LINGO1: variants seen among roughly 807,000 people sequenced by gnomAD.
The protein encoded by LINGO1 is leucine rich repeat and Ig domain containing 1, also known as leucine-rich repeat and immunoglobulin-like domain-containing nogo receptor-interacting protein 1.
LINGO1 carries 11 observed loss-of-function variants against 37.3 expected under a neutral mutation model. The ratio of observed to expected loss-of-function variants is 0.29; its 90% CI spans 0.19 to 0.49. The LOEUF is 0.49. Ranked by LOEUF, LINGO1 falls within the 20% of genes least tolerant of loss-of-function variation. The probability of loss-of-function intolerance (pLI) is 0.99; values close to 1 mark genes in which losing one functional copy is unlikely to be tolerated. For missense variants in LINGO1, 585 were observed against 878.2 expected (o/e 0.67, Z 4.22); for synonymous variants, 387 against 403.0 (o/e 0.96, Z 0.48).
At chr15:77,773,079 G>A (rs1276720689) in intron 1 of LINGO1, among the ~76,000 whole-genome samples, 1 of 152,222 alleles carries the variant, frequency 6.6e-6, no homozygotes, top group Admixed American at 6.5e-5. Context: ...TAGGCTCATG[G>A]AGGGAGGAGA....
At chr15:77,701,399 A>C (rs1243041295), upstream of LINGO1, among the ~76,000 whole-genome samples, 1 of 152,102 alleles carries the variant, frequency 6.6e-6, no homozygotes, top group African/African-American at 2.4e-5. Flanking sequence ...CAGCAGCTCT[A>C]TACCCACCAA....
intron 3 of LINGO1, among the ~76,000 whole-genome samples, chr15:77,660,761 G>T (rs1201177097): frequency 6.6e-6 from 1 of 151,488 alleles, no homozygotes; most frequent in Non-Finnish European, 1.5e-5. Flanking sequence ...GCCTTCAAGG[G>T]CTGAGAGTCT....
chr15:77,680,954 A>T (rs2075403596), intron 2 of LINGO1, among the ~76,000 whole-genome samples: 1 of 152,148 alleles, frequency 6.6e-6, no homozygotes, highest in Non-Finnish European at 1.5e-5. Context: ...CTACCCCTTA[A>T]GGTAACAGGG....
rs529321146 is a variant in LINGO1, at chr15:77,654,081, A to G, written c.-13+23008T>C. 1.8e-4 allele frequency among the ~76,000 whole-genome samples: 27 copies of G among 152,332 alleles called. 1 individual carries two copies. Among genetic ancestry groups the G allele is most frequent in the African/African-American group, 6.5e-4 (27 of 41,570 alleles). Reference sequence around the variant, plus strand: ...GTGGAAGTTACAAGTGTCATTTACAAGAGAAGGCTTTAAGACCCAGGGTGG... The same window carrying G: ...GTGGAAGTTACAAGTGTCATTTACAGGAGAAGGCTTTAAGACCCAGGGTGG... On this transcript the variant is annotated intron_variant, in intron 3 of 3. Transcript: ENST00000559893.
intron 1 of LINGO1, among the ~76,000 whole-genome samples, chr15:77,763,048 C>A (rs1014820399): frequency 6.6e-6 from 1 of 152,204 alleles, no homozygotes; most frequent in Admixed American, 6.5e-5. Context: ...AGGGAGGTGC[C>A]CACCCCGCCC....
chr15:77,668,955 C>T (rs1179602885), intron 3 of LINGO1, among the ~76,000 whole-genome samples: 1 of 152,126 alleles, frequency 6.6e-6, no homozygotes, highest in African/African-American at 2.4e-5. Flanking sequence ...AAGCCACGGA[C>T]AAGCCAAGCA....
intron 2 of LINGO1, among the ~76,000 whole-genome samples, chr15:77,689,587 C>T (rs2075568765): frequency 6.6e-6 from 1 of 152,148 alleles, no homozygotes; most frequent in African/African-American, 2.4e-5. Flanking sequence ...GGCCCAAAAG[C>T]CCGACCTCCA....
intron 1 of LINGO1, among the ~76,000 whole-genome samples, chr15:77,750,532 C>T (rs1053529029): frequency 7.9e-5 from 12 of 152,120 alleles, no homozygotes. Flanking sequence ...CTGGGAGTTC[C>T]GGTGCGTGCC....
chr15:77,725,850 A>G (rs2141321912), intron 2 of LINGO1, among the ~76,000 whole-genome samples: 1 of 152,338 alleles, frequency 6.6e-6, no homozygotes, highest in East Asian at 1.9e-4. Context: ...AGCTGGTCTG[A>G]GATGGCTCCA....
upstream of LINGO1, among the ~76,000 whole-genome samples, chr15:77,701,142 C>T (rs1327262709): frequency 6.6e-6 from 1 of 152,190 alleles, no homozygotes; most frequent in Non-Finnish European, 1.5e-5. Flanking sequence ...AGCTGGGATG[C>T]ACACTTAGCA....
chr15:77,691,274 A>G (rs56844012), intron 1 of LINGO1, among the ~76,000 whole-genome samples: 3,353 of 152,342 alleles, frequency 0.022, 130 homozygotes, highest in African/African-American at 0.078. Flanking sequence ...TCCTGGCCAC[A>G]GTACATGGGA....
chr15:77,642,729 C>T (rs989410902), intron 3 of LINGO1, among the ~76,000 whole-genome samples: 3 of 152,164 alleles, frequency 2.0e-5, no homozygotes, highest in Non-Finnish European at 2.9e-5. Flanking sequence ...GGTTCATCTC[C>T]GGGTCCGGAA....
In LINGO1 at chr15:77,810,395, C is replaced by T. The variant is rs1009676811; in HGVS notation, c.-458+9863G>A. ...CTAGGGAGGAGAGGGAGAGGGACAG[C>T]GAGGAGGGCAGACTCTAATAGGGGA... is the stretch of plus-strand genomic sequence containing the variant. On this transcript the variant is annotated intron_variant, in intron 1 of 5. Coordinates refer to the LINGO1 transcript ENST00000562933. 3.9e-5 allele frequency among the ~76,000 whole-genome samples: 6 copies of T among 151,942 alleles called. No individual in the cohort carries two copies. The South Asian group carries it at 8.3e-4, about 21-fold the overall frequency.
chr15:77,614,652 A>G lies in LINGO1; in HGVS notation c.1255T>C (p.Phe419Leu). 1 of 1,611,950 alleles carries G rather than the reference A, an allele frequency of 6.2e-7. No homozygotes were observed. Among genetic ancestry groups the G allele is most frequent in the Non-Finnish European group, 8.5e-7 (1 of 1,179,200 alleles). The change falls in exon 2 of 2, where the codon TTC becomes CTC. Residue 419 changes from phenylalanine (F) to leucine (L), a missense_variant. Around this residue, in one of 4 missense-constraint regions of LINGO1, gnomAD observed 484 missense variants for 735.0 expected, o/e 0.66. Coordinates refer to ENST00000355300, the MANE Select transcript of LINGO1 (RefSeq NM_032808.7). ...DFPDVLLPNY[F>L]TCRRARIRDR... ...CGGATGCGGGCGCGGCGGCAGGTGA[A>G]GTAGTTGGGCAGTAGCACATCAGGG...
chr15:77,801,538 T>C (rs886751718), intron 1 of LINGO1, among the ~76,000 whole-genome samples: 3 of 152,092 alleles, frequency 2.0e-5, no homozygotes, highest in African/African-American at 7.2e-5. Flanking sequence ...TCCACAAATG[T>C]ATTGTTGGGT....
intron 3 of LINGO1, among the ~76,000 whole-genome samples, chr15:77,668,548 GA>G (rs755816883): frequency 3.9e-5 from 6 of 152,306 alleles, no homozygotes; most frequent in Admixed American, 6.5e-5. Flanking sequence ...GCCCAGTTGA[GA>G]AGCCCCTTTA....
At chr15:77,626,043 G>C (rs2142558270) in intron 1 of LINGO1, among the ~76,000 whole-genome samples, 1 of 152,306 alleles carries the variant, frequency 6.6e-6, no homozygotes, top group African/African-American at 2.4e-5. Context: ...TCACCTGCCT[G>C]AGGTCCTGAG....
At chr15:77,709,441 C>T (rs974170614) in intron 2 of LINGO1, among the ~76,000 whole-genome samples, 7 of 152,238 alleles carry the variant, frequency 4.6e-5, no homozygotes, top group Non-Finnish European at 1.0e-4. Flanking sequence ...AGAACCTGCT[C>T]AAGAGCACAA....
intron 1 of LINGO1, among the ~76,000 whole-genome samples, chr15:77,619,089 G>A (rs368762267): frequency 6.6e-6 from 1 of 152,168 alleles, no homozygotes; most frequent in African/African-American, 2.4e-5. Context: ...TAGTGACCTT[G>A]AGCAAAGAGG....
Sources: allele counts gnomAD v4.1 joint callset (sites outside exome capture counted in the v4.1 genomes callset), GRCh38; gene constraint gnomAD v4.1.1; regional missense constraint gnomAD v4.1.1; transcripts MANE v1.5; gene names NCBI Gene and HGNC (gene_info 2026-07-23, HGNC 2026-07-21).